RBFOX1: variants seen among roughly 807,000 people sequenced by gnomAD.
RBFOX1 encodes the protein RNA binding protein fox-1 homolog 1.
A neutral mutation model predicts 57.7 loss-of-function variants in RBFOX1; 8 were observed. The observed-to-expected ratio is 0.14, with a 90% confidence interval of 0.08 to 0.25. The LOEUF is 0.25. Ranked by LOEUF, RBFOX1 falls within the 10% of genes least tolerant of loss-of-function variation. The probability of loss-of-function intolerance (pLI) is 1.00; values close to 1 mark genes in which losing one functional copy is unlikely to be tolerated. For synonymous variants in RBFOX1, 326 were observed against 222.4 expected (o/e 1.47, Z -4.15); for missense variants, 611 against 548.5 (o/e 1.11, Z -1.14).
intron 3 of RBFOX1, among the ~76,000 whole-genome samples, chr16:6,807,368 G>A (rs1253988649): frequency 3.9e-5 from 6 of 152,118 alleles, no homozygotes; most frequent in Non-Finnish European, 2.9e-5. Flanking sequence ...AAGGATGAGT[G>A]AGTCCAAGTT....
intron 4 of RBFOX1, among the ~76,000 whole-genome samples, chr16:7,060,280 G>A (rs1264853992): frequency 2.6e-5 from 4 of 152,188 alleles, no homozygotes; most frequent in Admixed American, 1.3e-4. Flanking sequence ...AGAACAGGCA[G>A]TGGGCCATAG....
rs1402782085 is a variant in RBFOX1, at chr16:7,230,053, A to AGGG, written c.27+177955_27+177956insGGG. Among the ~76,000 whole-genome samples, 149 of 63,518 alleles carry AGGG rather than the reference A, an allele frequency of 2.3e-3. 18 individuals carry two copies. Among genetic ancestry groups the AGGG allele is most frequent in the Middle Eastern group, 7.7e-3 (1 of 130 alleles). 41.7% of individuals were successfully genotyped at this position (63,518 alleles called of 152,430 possible). A position where few individuals can be genotyped will look rare whatever the true frequency, so the allele number is the denominator to read the frequency against. ...GGAAGGAAGGGAGAGAGAGGAAGGAAAGGAGAGAGAGGAAGGAAGGGAGGG... is the reference window on the plus strand; with the variant it reads ...GGAAGGAAGGGAGAGAGAGGAAGGAAGGGAGGAGAGAGAGGAAGGAAGGGAGGG... On this transcript the variant is annotated intron_variant, in intron 4 of 15. Transcript: ENST00000550418.
chr16:7,227,914 C>A (rs915089521), intron 4 of RBFOX1, among the ~76,000 whole-genome samples: 8 of 152,212 alleles, frequency 5.3e-5, no homozygotes, highest in African/African-American at 7.2e-5. Context: ...TCCCTTCTAG[C>A]AGGATTTTTC....
intron 2 of RBFOX1, among the ~76,000 whole-genome samples, chr16:6,433,469 C>G (rs2094151104): frequency 1.3e-5 from 2 of 152,190 alleles, no homozygotes; most frequent in African/African-American, 4.8e-5. Context: ...GGGCCAGAGG[C>G]CAGCCTAGGA....
intron 4 of RBFOX1, among the ~76,000 whole-genome samples, chr16:7,117,285 A>T (rs1389949623): frequency 6.6e-6 from 1 of 152,150 alleles, no homozygotes; most frequent in Non-Finnish European, 1.5e-5. Flanking sequence ...CTAGCTTATA[A>T]AGTTATTTAA....
intron 3 of RBFOX1, among the ~76,000 whole-genome samples, chr16:6,671,491 G>A (rs897156348): frequency 1.3e-5 from 2 of 152,128 alleles, no homozygotes; most frequent in African/African-American, 2.4e-5. Context: ...TAGAAGAATA[G>A]GGAAGTCTGT....
At chr16:5,714,998 T>G (rs1208408141) in intron 3 of RBFOX1, among the ~76,000 whole-genome samples, 2 of 152,216 alleles carry the variant, frequency 1.3e-5, no homozygotes, top group Non-Finnish European at 2.9e-5. Flanking sequence ...CGAAGCAGAT[T>G]AAAGTAAAAT....
intron 3 of RBFOX1, among the ~76,000 whole-genome samples, chr16:5,837,179 C>G (rs2056485275): frequency 6.6e-6 from 1 of 152,104 alleles, no homozygotes; most frequent in Non-Finnish European, 1.5e-5. Flanking sequence ...ATCCTCCTTT[C>G]CCACCTCCTC....
intron 3 of RBFOX1, among the ~76,000 whole-genome samples, chr16:5,733,714 C>T (rs537724749): frequency 1.3e-5 from 2 of 152,148 alleles, no homozygotes; most frequent in South Asian, 2.1e-4. Flanking sequence ...CCCTTTCCCT[C>T]TTACCTCTTT....
intron 2 of RBFOX1, among the ~76,000 whole-genome samples, chr16:6,537,237 TC>T (rs2096747859): frequency 6.6e-6 from 1 of 152,162 alleles, no homozygotes; most frequent in African/African-American, 2.4e-5. Flanking sequence ...CAGGTGTTGT[TC>T]CTGATGCCGG....
intron 4 of RBFOX1, among the ~76,000 whole-genome samples, chr16:7,504,228 C>T (rs921334542): frequency 3.9e-5 from 6 of 151,992 alleles, no homozygotes; most frequent in Admixed American, 1.3e-4. Context: ...CCCGTATCAT[C>T]GGGCTGTGGG....
chr16:6,831,952 A>G (rs1277060211), intron 3 of RBFOX1, among the ~76,000 whole-genome samples: 1 of 152,238 alleles, frequency 6.6e-6, no homozygotes, highest in East Asian at 1.9e-4. Context: ...TAAAATTGCT[A>G]TTGCAAAAAC....
intron 3 of RBFOX1, among the ~76,000 whole-genome samples, chr16:5,836,570 G>C (rs1351084565): frequency 6.6e-6 from 1 of 152,132 alleles, no homozygotes; most frequent in African/African-American, 2.4e-5. Flanking sequence ...TGCCAGTTCT[G>C]CCTTCCAGGC....
chr16:6,784,743 T>C (rs1362619744), intron 3 of RBFOX1, among the ~76,000 whole-genome samples: 3 of 152,114 alleles, frequency 2.0e-5, no homozygotes, highest in Non-Finnish European at 4.4e-5. Context: ...TTGTTCAATT[T>C]GGTGTTCCTG....
intron 4 of RBFOX1, among the ~76,000 whole-genome samples, chr16:7,401,113 G>C (rs866633664): frequency 6.6e-6 from 1 of 152,208 alleles, no homozygotes; most frequent in Non-Finnish European, 1.5e-5. Flanking sequence ...GAGGGAACAT[G>C]TAATGGTATT....
At chr16:6,996,606 T>C (rs2092270824) in intron 3 of RBFOX1, among the ~76,000 whole-genome samples, 1 of 152,208 alleles carries the variant, frequency 6.6e-6, no homozygotes, top group Admixed American at 6.5e-5. Context: ...TTAGGCACTG[T>C]ATTTTCATTT....
intron 4 of RBFOX1, among the ~76,000 whole-genome samples, chr16:6,003,404 C>G (rs1596382665): frequency 6.6e-6 from 1 of 152,202 alleles, no homozygotes; most frequent in East Asian, 1.9e-4. Flanking sequence ...TTCCTCCTCT[C>G]AATGCACCTG....
intron 1 of RBFOX1, among the ~76,000 whole-genome samples, chr16:6,277,937 T>C (rs1270934690): frequency 6.6e-6 from 1 of 152,148 alleles, no homozygotes; most frequent in Non-Finnish European, 1.5e-5. Flanking sequence ...CACAGCTCAC[T>C]TTTACTTGGC....
chr16:7,212,712 C>G (rs941919789), intron 4 of RBFOX1, among the ~76,000 whole-genome samples: 1 of 152,134 alleles, frequency 6.6e-6, no homozygotes, highest in Non-Finnish European at 1.5e-5. Flanking sequence ...GGACAAATAC[C>G]TAAAGCATGT....
Sources: gnomAD v4.1 joint callset for allele counts (sites outside exome capture counted in the v4.1 genomes callset) on GRCh38, gnomAD v4.1.1 for gene constraint, MANE v1.5 for transcripts, NCBI Gene and HGNC (gene_info 2026-07-23, HGNC 2026-07-21) for gene names.